The following EFR3A variants were observed in gnomAD, a reference collection of about 807,000 sequenced individuals.
EFR3A encodes EFR3 homolog A.
EFR3A carries 76 observed loss-of-function variants against 104.4 expected under a neutral mutation model. That is an observed-to-expected ratio of 0.73 (90% CI 0.60 to 0.88). The LOEUF (loss-of-function observed/expected upper bound fraction) is 0.88. Among genes scored for constraint, EFR3A ranks in the 40% least tolerant of loss-of-function variants. The probability of loss-of-function intolerance (pLI) is 0.00; values close to 1 mark genes in which losing one functional copy is unlikely to be tolerated. For missense variants in EFR3A, 985 were observed against 1,012.5 expected, an observed-to-expected ratio of 0.97 and a Z score of 0.37; for synonymous variants, 330 against 330.0, an observed-to-expected ratio of 1.00 and a Z score of 0.00.
At chr8:131,944,920 C>A in intron 3 of EFR3A, 48 bp downstream of exon 3, 1 of 1,582,200 alleles carries the variant, frequency 6.3e-7, no homozygotes, top group Non-Finnish European at 8.6e-7. Context: ...AAAATTCTTT[C>A]TAGACTTTTA....
chr8:131,988,834 T>C (rs917438387), intron 18 of EFR3A, among the ~76,000 whole-genome samples: 10 of 152,112 alleles, frequency 6.6e-5, no homozygotes, highest in Admixed American at 6.5e-4. Flanking sequence ...ATGGGGCCAG[T>C]GGCCTGCATA....
At chr8:131,910,374 C>G (rs550500584) in intron 1 of EFR3A, among the ~76,000 whole-genome samples, 1 of 152,232 alleles carries the variant, frequency 6.6e-6, no homozygotes, top group African/African-American at 2.4e-5. Context: ...TGGACTCAAG[C>G]TATTCTCCTG....
chr8:131,959,334 T>TA (rs1003673504), intron 7 of EFR3A, among the ~76,000 whole-genome samples: 2 of 152,030 alleles, frequency 1.3e-5, no homozygotes, highest in South Asian at 2.1e-4. Flanking sequence ...ATCACAACAT[T>TA]AAAAAAATGG....
chr8:131,955,645 T>C (rs1818937326), intron 6 of EFR3A, 123 bp from the exon 7 acceptor site: 2 of 961,248 alleles, frequency 2.1e-6, no homozygotes, highest in South Asian at 1.8e-5. Context: ...AATTAAGCTA[T>C]ATATTTTCTG....
chr8:131,983,150 C>T (rs1056494114), intron 14 of EFR3A, among the ~76,000 whole-genome samples: 1 of 152,134 alleles, frequency 6.6e-6, no homozygotes, highest in Non-Finnish European at 1.5e-5. Context: ...CTAAAATGAT[C>T]AGAAGAACCT....
intron 1 of EFR3A, among the ~76,000 whole-genome samples, chr8:131,930,216 T>C (rs556523210): frequency 6.6e-6 from 1 of 152,214 alleles, no homozygotes; most frequent in Non-Finnish European, 1.5e-5. Context: ...GGATGGACAT[T>C]GTGCAGATGG....
intron 1 of EFR3A, among the ~76,000 whole-genome samples, chr8:131,929,276 C>T (rs1324000952): frequency 6.6e-6 from 1 of 152,116 alleles, no homozygotes; most frequent in Non-Finnish European, 1.5e-5. Context: ...TCTTTACCTT[C>T]TATACTCAGT....
rs182837019 is a variant in EFR3A, at chr8:131,956,571, A to G, written c.776+666A>G. On this transcript the variant is annotated intron_variant, in intron 7 of 22. Coordinates refer to ENST00000254624, the MANE Select transcript of EFR3A (RefSeq NM_015137.6). The stretch of plus-strand genomic sequence containing the variant: ...ATTTTTGCTAGTCTTTCTTTTGTTA[A>G]AATTCACCTTGTCCTTTTCTCCTTC... Among the ~76,000 whole-genome samples the G allele has an allele frequency of 8.1e-3, 1,234 of 152,256 alleles. 5 individuals carry two copies. Among genetic ancestry groups the G allele is most frequent in the Non-Finnish European group, 0.012 (839 of 68,008 alleles).
rs1053330543 is a variant in EFR3A, at chr8:131,968,998, A to G, written c.991+568A>G. On this transcript the variant is annotated intron_variant, in intron 9 of 22. Transcript: ENST00000254624. ...CTGTAATCTTCATGAGAAATGTGCT[A>G]TAGGATAATTTTTCTGGCAGCAAAA... Among the ~76,000 whole-genome samples, 40 of 152,194 alleles carry G rather than the reference A, an allele frequency of 2.6e-4. 1 individual carries two copies. The highest frequency in any genetic ancestry group is 2.4e-3 in the Admixed American group (36 of 15,274).
intron 9 of EFR3A, among the ~76,000 whole-genome samples, chr8:131,970,004 T>C (rs2130700452): frequency 6.6e-6 from 1 of 152,342 alleles, no homozygotes; most frequent in East Asian, 1.9e-4. Flanking sequence ...CTGAATCTAA[T>C]AAATTTGGTA....
intron 12 of EFR3A, among the ~76,000 whole-genome samples, chr8:131,978,060 A>G (rs1446932842): frequency 6.6e-6 from 1 of 152,146 alleles, no homozygotes; most frequent in Non-Finnish European, 1.5e-5. Flanking sequence ...GCTGACTTAT[A>G]AAACTATCTC....
At position 131,925,871 on chromosome 8, in the gene EFR3A, C is replaced by G. The variant is rs546866325; in HGVS notation, c.11-14628C>G. 6.3e-4 allele frequency among the ~76,000 whole-genome samples: 95 copies of G among 151,998 alleles called. 1 individual carries two copies. The highest frequency in any genetic ancestry group is 2.8e-3 in the Admixed American group (43 of 15,278). On this transcript the variant is annotated intron_variant, in intron 1 of 22. Transcript: ENST00000254624. ...TCCCCCTCCCAAATTTTGCTAAGGC[C>G]TAAAACAGAACAGTAGTGTATACAA...
chr8:131,952,653 G>A (rs558648964), intron 5 of EFR3A, among the ~76,000 whole-genome samples: 8 of 152,266 alleles, frequency 5.3e-5, no homozygotes, highest in South Asian at 4.1e-4. Context: ...ATAGCTGCAC[G>A]AGAATCTCTC....
chr8:131,984,544 T>C (rs1820779787), intron 15 of EFR3A, among the ~76,000 whole-genome samples: 1 of 152,152 alleles, frequency 6.6e-6, no homozygotes, highest in Admixed American at 6.6e-5. Context: ...CAGACAAACA[T>C]AGTCCCTGTA....
chr8:131,925,499 A>G (rs1817252151), intron 1 of EFR3A, among the ~76,000 whole-genome samples: 1 of 152,144 alleles, frequency 6.6e-6, no homozygotes, highest in African/African-American at 2.4e-5. Context: ...CCAGAGAATT[A>G]TATAAAAATG....
At chr8:132,007,426 G>A (rs1352426176) in intron 22 of EFR3A, among the ~76,000 whole-genome samples, 1 of 151,798 alleles carries the variant, frequency 6.6e-6, no homozygotes, top group Non-Finnish European at 1.5e-5. Flanking sequence ...TTAACAGTAT[G>A]TAAGATTTCT....
Position 132,010,798 on chromosome 8 carries a change from C to A in EFR3A, c.2369C>A (p.Pro790His), listed in dbSNP as rs761114231. Residue 790 changes from proline to histidine, a missense_variant, in exon 23 of 23, where the codon CCC becomes CAC. By Grantham distance (77) the Pro-to-His change is moderately conservative. Transcript: ENST00000254624. ...QILELTIRPP[P>H]SPSGTLTITS... ...TTTTTGTTCTTTTATAGTCCTCCTC[C>A]CAGTCCATCAGGAACACTGACCATT... is the stretch of plus-strand genomic sequence containing the variant. 1 of 1,611,936 alleles carries A rather than the reference C, an allele frequency of 6.2e-7. No individual in the cohort carries two copies. Among genetic ancestry groups the A allele is most frequent in the African/African-American group, 1.3e-5 (1 of 74,812 alleles).
Position 131,978,841 on chromosome 8 carries a change from A to T in EFR3A, c.1327-6A>T, listed in dbSNP as rs755572755. The T allele has an allele frequency of 2.6e-6, 4 of 1,535,040 alleles. No individual in the cohort carries two copies. The highest frequency in any genetic ancestry group is 1.4e-5 in the African/African-American group (1 of 71,770). Reference sequence around the variant, plus strand: ...AAAGGTTGTTTGTTTTCTTCTCGATAATCAGGTGACCTCTGGATATAAAGC... The same window carrying T: ...AAAGGTTGTTTGTTTTCTTCTCGATTATCAGGTGACCTCTGGATATAAAGC... On this transcript the variant is annotated splice_polypyrimidine_tract_variant and splice_region_variant and intron_variant, in intron 12 of 22. Coordinates refer to ENST00000254624, the MANE Select transcript of EFR3A (RefSeq NM_015137.6).
intron 22 of EFR3A, among the ~76,000 whole-genome samples, chr8:132,009,056 G>A (rs1822190426): frequency 6.6e-6 from 1 of 151,818 alleles, no homozygotes; most frequent in South Asian, 2.1e-4. Flanking sequence ...AAAATTGTTA[G>A]TTACCAAAAA....
Sources: gnomAD v4.1 joint callset for allele counts (sites outside exome capture counted in the v4.1 genomes callset) on GRCh38, gnomAD v4.1.1 for gene constraint, MANE v1.5 for transcripts, NCBI Gene and HGNC (gene_info 2026-07-23, HGNC 2026-07-21) for gene names.